The following SLC5A3 variants were observed in gnomAD, a reference collection of about 807,000 sequenced individuals.
SLC5A3 encodes the protein sodium/myo-inositol cotransporter.
SLC5A3 carries 10 observed loss-of-function variants against 43.2 expected under a neutral mutation model. The observed-to-expected ratio is 0.23, with a 90% CI of 0.14 to 0.39. SLC5A3 has a LOEUF of 0.39. Among genes scored for constraint, SLC5A3 ranks in the 10% least tolerant of loss-of-function variants. The probability of loss-of-function intolerance (pLI) is 1.00; values close to 1 mark genes in which losing one functional copy is unlikely to be tolerated. For missense variants in SLC5A3, 608 were observed against 893.4 expected (o/e 0.68, Z 4.07); for synonymous variants, 349 against 322.0 (o/e 1.08, Z -0.90).
At chr21:34,075,046 C>T (rs183178657) in intron 1 of SLC5A3, among the ~76,000 whole-genome samples, 1 of 152,246 alleles carries the variant, frequency 6.6e-6, no homozygotes, top group East Asian at 1.9e-4. Flanking sequence ...CCCTTTTGGC[C>T]CTCCTCCTTG....
chr21:34,082,214 G>A (rs1989475292), intron 1 of SLC5A3, among the ~76,000 whole-genome samples: 1 of 152,134 alleles, frequency 6.6e-6, no homozygotes, highest in South Asian at 2.1e-4. Context: ...TGTTGACAAA[G>A]CCCACCTTGT....
chr21:34,075,420 C>A (rs1989303857), intron 1 of SLC5A3, among the ~76,000 whole-genome samples: 1 of 151,800 alleles, frequency 6.6e-6, no homozygotes, highest in Admixed American at 6.6e-5. Context: ...TTTTTTATGT[C>A]CTGTAATAAC....
Position 34,099,173 on chromosome 21 carries a change from G to A in SLC5A3, c.*1818G>A. ...TATGAATAGCATGTATTTCTGAAGA[G>A]CTTAGAGTGCCTTGTAGAATTTTTT... is the stretch of plus-strand genomic sequence containing the variant. On this transcript the variant is annotated 3_prime_UTR_variant, in exon 2 of 2. Transcript: ENST00000381151. 2.0e-6 allele frequency: 2 copies of A among 999,436 alleles called. No individual in the cohort carries two copies. Among genetic ancestry groups the A allele is most frequent in the Non-Finnish European group, 2.4e-6 (2 of 829,528 alleles). The allele number at this position is 999,436 out of a possible 1,614,324, so 61.9% of individuals were successfully genotyped here.
intron 1 of SLC5A3, among the ~76,000 whole-genome samples, chr21:34,075,766 C>T (rs1989315335): frequency 6.6e-6 from 1 of 152,170 alleles, no homozygotes; most frequent in Admixed American, 6.5e-5. Context: ...GTGGCACAAA[C>T]ACAAAGACTT....
Position 34,095,846 on chromosome 21 carries a change from GTACATGT to G in SLC5A3, c.650_656del (p.Tyr217TrpfsTer11). 1 of 1,614,036 alleles carries G rather than the reference GTACATGT, an allele frequency of 6.2e-7. No individual in the cohort carries two copies. The stretch of plus-strand genomic sequence containing the variant: ...GCGGGTTTGAGGAAGTTAAGAGAAG[GTACATGT>G]TGGCCTCACCCGATGTCACTTCCAT... On this transcript the variant is annotated frameshift_variant, in exon 2 of 2. Transcript: ENST00000381151. LOFTEE classifies it high-confidence loss of function.
intron 1 of SLC5A3, among the ~76,000 whole-genome samples, chr21:34,082,457 G>A (rs565367144): frequency 2.4e-4 from 36 of 152,182 alleles, no homozygotes; most frequent in African/African-American, 8.4e-4. Flanking sequence ...GTACTATTTG[G>A]TTTGTACCCG....
chr21:34,105,974 A>C lies in SLC5A3; in HGVS notation c.*8619A>C, dbSNP rs1297668876. On this transcript the variant is annotated 3_prime_UTR_variant, in exon 2 of 2. Transcript: ENST00000381151. ...TGTAAACATGTATGATCTTGGTTTCATGTGTTTTTGAAAGTGTTATTGTTT... is the reference window on the plus strand; with the variant it reads ...TGTAAACATGTATGATCTTGGTTTCCTGTGTTTTTGAAAGTGTTATTGTTT... 6.0e-6 allele frequency: 6 copies of C among 995,076 alleles called. No individual in the cohort carries two copies. In the African/African-American group the frequency reaches 1.0e-4, roughly 17 times the overall value. 61.6% of individuals were successfully genotyped at this position (995,076 alleles called of 1,614,324 possible).
chr21:34,100,690 T>C lies in SLC5A3; in HGVS notation c.*3335T>C, dbSNP rs62212119. The C allele has an allele frequency of 0.068, 67,805 of 1,000,110 alleles. 2,386 individuals are homozygous for C. Among genetic ancestry groups the C allele is most frequent in the Middle Eastern group, 0.12 (226 of 1,916 alleles). The allele number at this position is 1,000,110 out of a possible 1,614,324, so 62.0% of individuals were successfully genotyped here. On this transcript the variant is annotated 3_prime_UTR_variant, in exon 2 of 2. Transcript: ENST00000381151. ...AGTTGAGGGGGTTGTTATGCACTTC[T>C]GTAACTTGAGGCTAAGCAAGGGGTT...
In SLC5A3 at chr21:34,098,084, G is replaced by T; in HGVS notation, c.*729G>T. The T allele has an allele frequency of 1.0e-6, 1 of 998,994 alleles. No individual in the cohort carries two copies. The highest frequency in any genetic ancestry group is 1.2e-6 in the Non-Finnish European group (1 of 829,314). The allele number at this position is 998,994 out of a possible 1,614,324, so 61.9% of individuals were successfully genotyped here. ...TAAAGTTACATGTCATGATTGTGTT[G>T]TTAAATGATTATGGGGGAGAAAATG... On this transcript the variant is annotated 3_prime_UTR_variant, in exon 2 of 2. Transcript: ENST00000381151.
chr21:34,103,568 A>G lies in SLC5A3; in HGVS notation c.*6213A>G. On this transcript the variant is annotated 3_prime_UTR_variant, in exon 2 of 2. Coordinates refer to ENST00000381151, the MANE Select transcript of SLC5A3 (RefSeq NM_006933.7). ...CATGATAGAAAGCTAAAGTCCATAGAAAGCACAAAATCGTGTTCACACATT... is the reference window on the plus strand; with the variant it reads ...CATGATAGAAAGCTAAAGTCCATAGGAAGCACAAAATCGTGTTCACACATT... The G allele has an allele frequency of 1.0e-6, 1 of 1,000,238 alleles. No individual in the cohort carries two copies. Among genetic ancestry groups the G allele is most frequent in the African/African-American group, 1.7e-5 (1 of 57,366 alleles). 62.0% of individuals were successfully genotyped at this position (1,000,238 alleles called of 1,614,324 possible).
In SLC5A3 at chr21:34,105,087, T is replaced by G. The variant is rs1283828648; in HGVS notation, c.*7732T>G. 1 of 1,000,072 alleles carries G rather than the reference T, an allele frequency of 1.0e-6. No homozygotes were observed. Among genetic ancestry groups the G allele is most frequent in the Non-Finnish European group, 1.2e-6 (1 of 829,918 alleles). The allele number at this position is 1,000,072 out of a possible 1,614,324, so 61.9% of individuals were successfully genotyped here. On this transcript the variant is annotated 3_prime_UTR_variant, in exon 2 of 2. Transcript: ENST00000381151. ...GTGGGGTTATTAAAATGCAAAAGCT[T>G]TATTTTTTTTAATAATGCCATACTC...
In SLC5A3 at chr21:34,098,298, G is replaced by A. The variant is rs78365560; in HGVS notation, c.*943G>A. ...AAATTATTAGCCAAATGCCTTCCTAGGTGGATCCAGTTGGAAGATATGTCC... is the reference window on the plus strand; with the variant it reads ...AAATTATTAGCCAAATGCCTTCCTAAGTGGATCCAGTTGGAAGATATGTCC... On this transcript the variant is annotated 3_prime_UTR_variant, in exon 2 of 2. Coordinates refer to ENST00000381151, the MANE Select transcript of SLC5A3 (RefSeq NM_006933.7). 5.5e-3 allele frequency: 5,454 copies of A among 999,952 alleles called. 106 individuals carry two copies. The South Asian group carries it at 0.078, about 14-fold the overall frequency. 61.9% of individuals were successfully genotyped at this position (999,952 alleles called of 1,614,324 possible). A position where few individuals can be genotyped will look rare whatever the true frequency, so the allele number is the denominator to read the frequency against.
chr21:34,090,164 C>T (rs961679373), intron 1 of SLC5A3, among the ~76,000 whole-genome samples: 1 of 152,206 alleles, frequency 6.6e-6, no homozygotes, highest in Non-Finnish European at 1.5e-5. Context: ...GCTCCACTTA[C>T]AATTTAAAAC....
At chr21:34,077,064 C>A (rs957481611) in intron 1 of SLC5A3, among the ~76,000 whole-genome samples, 1 of 152,214 alleles carries the variant, frequency 6.6e-6, no homozygotes, top group Admixed American at 6.5e-5. Flanking sequence ...CCTGCCCCCC[C>A]TGCAATGAGA....
At chr21:34,092,632 C>T (rs1174258137) in intron 1 of SLC5A3, among the ~76,000 whole-genome samples, 4 of 152,214 alleles carry the variant, frequency 2.6e-5, no homozygotes, top group Admixed American at 1.3e-4. Flanking sequence ...TCAGATTTGA[C>T]AATGAAGAAC....
Position 34,103,978 on chromosome 21 carries a change from T to G in SLC5A3, c.*6623T>G. On this transcript the variant is annotated 3_prime_UTR_variant, in exon 2 of 2. Transcript: ENST00000381151. ...TAAGCTGTAGTGTGATTGGGGTTTT[T>G]TGTAAAAAATCTTAAATCTTTTAGG... 1 of 1,000,174 alleles carries G rather than the reference T, an allele frequency of 1.0e-6. No homozygotes were observed. Among genetic ancestry groups the G allele is most frequent in the Non-Finnish European group, 1.2e-6 (1 of 829,912 alleles). The allele number at this position is 1,000,174 out of a possible 1,614,324, so 62.0% of individuals were successfully genotyped here.
rs543337624 is a variant in SLC5A3, at chr21:34,102,333, C to T, written c.*4978C>T. On this transcript the variant is annotated 3_prime_UTR_variant, in exon 2 of 2. Transcript: ENST00000381151. ...ATGCTGAGAATAAGGCTTTAAATTA[C>T]TGATTCACCTTTAAAGGAATGTTGT... is the stretch of plus-strand genomic sequence containing the variant. 18 of 999,108 alleles carry T rather than the reference C, an allele frequency of 1.8e-5. No homozygotes were observed. The highest frequency in any genetic ancestry group is 2.2e-5 in the Non-Finnish European group (18 of 829,044). 61.9% of individuals were successfully genotyped at this position (999,108 alleles called of 1,614,324 possible). A position where few individuals can be genotyped will look rare whatever the true frequency, so the allele number is the denominator to read the frequency against.
At chr21:34,089,933 C>T (rs956148764) in intron 1 of SLC5A3, among the ~76,000 whole-genome samples, 2 of 152,090 alleles carry the variant, frequency 1.3e-5, no homozygotes, top group South Asian at 2.1e-4. Context: ...TTGAATATCC[C>T]GTATCTTAAA....
At chr21:34,077,201 G>A (rs1989352983) in intron 1 of SLC5A3, among the ~76,000 whole-genome samples, 1 of 152,298 alleles carries the variant, frequency 6.6e-6, no homozygotes, top group South Asian at 2.1e-4. Flanking sequence ...TTTCAGTTAG[G>A]TAAAAGACTG....
Sources: allele counts gnomAD v4.1 joint callset (sites outside exome capture counted in the v4.1 genomes callset), GRCh38; gene constraint gnomAD v4.1.1; transcripts MANE v1.5; gene names NCBI Gene and HGNC (gene_info 2026-07-23, HGNC 2026-07-21).